Variants in MEGF11 observed in about 807,000 individuals in gnomAD.
MEGF11 encodes multiple epidermal growth factor-like domains protein 11.
In MEGF11, 126 loss-of-function variants were observed where a neutral mutation model predicts 146.6. That is an observed-to-expected ratio of 0.86 (90% CI 0.74 to 1.00). The LOEUF (loss-of-function observed/expected upper bound fraction) is 1.00, where lower values mean the gene tolerates loss of function less well. Ranked by LOEUF, MEGF11 falls within the 50% of genes least tolerant of loss-of-function variation. The pLI, the probability that MEGF11 is intolerant of heterozygous loss-of-function variation, is 0.00. For synonymous variants in MEGF11, 532 were observed against 583.4 expected, an observed-to-expected ratio of 0.91 and a Z score of 1.27; for missense variants, 1,509 against 1,521.2, an observed-to-expected ratio of 0.99 and a Z score of 0.13.
intron 4 of MEGF11, among the ~76,000 whole-genome samples, chr15:66,117,307 C>A (rs1193165832): frequency 6.6e-6 from 1 of 152,094 alleles, no homozygotes; most frequent in Non-Finnish European, 1.5e-5. Flanking sequence ...GTCTTTCATC[C>A]TGAAAGTGGC....
chr15:65,930,790 T>G (rs2079549175), intron 11 of MEGF11, 33 bp downstream of exon 11: 21 of 1,571,122 alleles, frequency 1.3e-5, no homozygotes, highest in Non-Finnish European at 1.8e-5. Flanking sequence ...TGCTCATATG[T>G]CAGGGATGGG....
chr15:66,082,518 A>C (rs868388211), intron 5 of MEGF11, among the ~76,000 whole-genome samples: 1 of 136,968 alleles, frequency 7.3e-6, no homozygotes, highest in African/African-American at 2.7e-5. Context: ...TCTATCTATA[A>C]ATAAATTAGC....
At chr15:65,939,937 G>T (rs2079926476) in intron 10 of MEGF11, among the ~76,000 whole-genome samples, 2 of 152,198 alleles carry the variant, frequency 1.3e-5, no homozygotes, top group African/African-American at 4.8e-5. Flanking sequence ...ATGAGGATAA[G>T]GATTGAGTCA....
At chr15:65,940,014 G>A (rs1434969351) in intron 10 of MEGF11, among the ~76,000 whole-genome samples, 8 of 152,214 alleles carry the variant, frequency 5.3e-5, no homozygotes, top group African/African-American at 1.9e-4. Flanking sequence ...GTGCCAGTAT[G>A]TGTCAGACAC....
chr15:65,912,076 C>A lies in MEGF11; in HGVS notation c.2829+6G>T. 6 of 1,229,952 alleles carry A rather than the reference C, an allele frequency of 4.9e-6. No individual in the cohort carries two copies. The highest frequency in any genetic ancestry group is 6.1e-6 in the Non-Finnish European group (6 of 986,124). 76.2% of individuals were successfully genotyped at this position (1,229,952 alleles called of 1,614,324 possible). A position where few individuals can be genotyped will look rare whatever the true frequency, so the allele number is the denominator to read the frequency against. On this transcript the variant is annotated splice_donor_region_variant and intron_variant, in intron 21 of 25. Coordinates refer to ENST00000395614, the MANE Select transcript of MEGF11 (RefSeq NM_001385028.1). ...AGTGGGGGCTGGGGAATCAGGGGCC[C>A]GGTACCTTGGTGGGGCTGTTCCTGT...
intron 5 of MEGF11, among the ~76,000 whole-genome samples, chr15:66,051,446 AC>A (rs1372251420): frequency 6.6e-6 from 1 of 151,938 alleles, no homozygotes; most frequent in Non-Finnish European, 1.5e-5. Context: ...CAGGTCAAAC[AC>A]CCCCTTTTCC....
At chr15:65,931,213 C>T (rs1413640165) in intron 10 of MEGF11, among the ~76,000 whole-genome samples, 3 of 152,100 alleles carry the variant, frequency 2.0e-5, no homozygotes, top group Non-Finnish European at 4.4e-5. Context: ...GAAGGTAGGT[C>T]AGAGAGATAC....
At chr15:66,041,483 G>A (rs75856794) in intron 5 of MEGF11, among the ~76,000 whole-genome samples, 4,368 of 152,338 alleles carry the variant, frequency 0.029, 91 homozygotes, top group Middle Eastern at 0.051. Context: ...ACGGAGGGTC[G>A]CCTTGCGCTG....
At chr15:65,991,451 A>C (rs1397755423) in intron 5 of MEGF11, among the ~76,000 whole-genome samples, 1 of 152,154 alleles carries the variant, frequency 6.6e-6, no homozygotes, top group Non-Finnish European at 1.5e-5. Flanking sequence ...GGGCTTCTCA[A>C]CCTCAGCACA....
chr15:66,228,066 G>A (rs530071380), intron 1 of MEGF11, among the ~76,000 whole-genome samples: 101 of 152,232 alleles, frequency 6.6e-4, no homozygotes, highest in Non-Finnish European at 1.2e-3. Context: ...CTCTCCCTGG[G>A]CCTCGGTGTG....
chr15:66,231,422 C>CA (rs1430755217), intron 1 of MEGF11, among the ~76,000 whole-genome samples: 7 of 151,054 alleles, frequency 4.6e-5, no homozygotes, highest in Admixed American at 1.3e-4. Context: ...CGGAAGTTGT[C>CA]AAAGATGCCA....
chr15:66,020,991 C>CAAAAAAAAAAAA (rs35364286), intron 5 of MEGF11, among the ~76,000 whole-genome samples: 2 of 70,848 alleles, frequency 2.8e-5, no homozygotes, highest in African/African-American at 1.1e-4. Context: ...AACTCCATCT[C>CAAAAAAAAAAAA]AAAAAAAAAA....
chr15:65,991,439 C>G (rs776795111), intron 5 of MEGF11, among the ~76,000 whole-genome samples: 1 of 152,204 alleles, frequency 6.6e-6, no homozygotes, highest in Non-Finnish European at 1.5e-5. Context: ...ATAACTAAAT[C>G]AGGGCTTCTC....
intron 1 of MEGF11, among the ~76,000 whole-genome samples, chr15:66,208,865 G>A (rs959527403): frequency 2.0e-4 from 30 of 150,764 alleles, no homozygotes; most frequent in African/African-American, 6.3e-4. Flanking sequence ...CAACAAGAGT[G>A]AAACTCCATC....
intron 7 of MEGF11, 49 bp from the exon 8 acceptor site, chr15:65,970,738 A>G (rs775917267): frequency 5.8e-6 from 9 of 1,562,212 alleles, no homozygotes; most frequent in Non-Finnish European, 7.8e-6. Flanking sequence ...AGAAATGCCA[A>G]ACTTTCCTGG....
intron 5 of MEGF11, among the ~76,000 whole-genome samples, chr15:66,007,110 C>T (rs2082543430): frequency 6.6e-6 from 1 of 152,196 alleles, no homozygotes; most frequent in Admixed American, 6.5e-5. Flanking sequence ...GTCCACCGTG[C>T]CAGCACTGAG....
intron 5 of MEGF11, among the ~76,000 whole-genome samples, chr15:66,067,238 C>G (rs747644038): frequency 6.6e-6 from 1 of 152,184 alleles, no homozygotes; most frequent in Non-Finnish European, 1.5e-5. Context: ...GATCCAGTCT[C>G]GGGCCTAATG....
intron 1 of MEGF11, among the ~76,000 whole-genome samples, chr15:66,145,715 G>C (rs2141019131): frequency 6.6e-6 from 1 of 152,322 alleles, no homozygotes; most frequent in East Asian, 1.9e-4. Context: ...TGTGAGGGAG[G>C]CATCTGGCTC....
chr15:66,228,327 C>T (rs999872648), intron 1 of MEGF11, among the ~76,000 whole-genome samples: 1 of 152,116 alleles, frequency 6.6e-6, no homozygotes, highest in African/African-American at 2.4e-5. Flanking sequence ...TCCCCACCAC[C>T]AAGACTACGG....
Sources: gnomAD v4.1 joint callset for allele counts (sites outside exome capture counted in the v4.1 genomes callset) on GRCh38, gnomAD v4.1.1 for gene constraint, MANE v1.5 for transcripts, NCBI Gene and HGNC (gene_info 2026-07-23, HGNC 2026-07-21) for gene names.